The following RGS17 variants were observed in gnomAD, a reference collection of about 807,000 sequenced individuals.
The protein encoded by RGS17 is regulator of G protein signaling 17.
A neutral mutation model predicts 25.5 loss-of-function variants in RGS17; 12 were observed. The ratio of observed to expected loss-of-function variants is 0.47; its 90% CI spans 0.30 to 0.76. RGS17 has a LOEUF of 0.76. Ranked by LOEUF, RGS17 falls within the 30% of genes least tolerant of loss-of-function variation. RGS17 has a pLI of 0.07. For synonymous variants in RGS17, 71 were observed against 76.9 expected (o/e 0.92, Z 0.40); for missense variants, 196 against 242.2 (o/e 0.81, Z 1.27).
chr6:153,096,266 T>C (rs921162825), intron 1 of RGS17, among the ~76,000 whole-genome samples: 1 of 152,158 alleles, frequency 6.6e-6, no homozygotes, highest in African/African-American at 2.4e-5. Context: ...TGAGGAAAAG[T>C]GGAGTTCAAT....
chr6:153,069,737 C>CGTG (rs1168154054), intron 1 of RGS17, among the ~76,000 whole-genome samples: 1 of 75,584 alleles, frequency 1.3e-5, no homozygotes, highest in African/African-American at 4.6e-5. Flanking sequence ...ATATATACAC[C>CGTG]TCGTGTGTGT....
chr6:153,077,102 C>A (rs1229999968), intron 1 of RGS17, among the ~76,000 whole-genome samples: 1 of 152,188 alleles, frequency 6.6e-6, no homozygotes, highest in East Asian at 1.9e-4. Flanking sequence ...ACTCACTCAT[C>A]TACTAGTCTT....
chr6:153,081,505 C>T (rs1776980654), intron 1 of RGS17, among the ~76,000 whole-genome samples: 1 of 150,854 alleles, frequency 6.6e-6, no homozygotes, highest in Non-Finnish European at 1.5e-5. Context: ...ATGGTTGGGT[C>T]TTGATAATGT....
At chr6:153,113,389 AATAC>A (rs1777501388) in intron 1 of RGS17, among the ~76,000 whole-genome samples, 1 of 152,214 alleles carries the variant, frequency 6.6e-6, no homozygotes, top group Non-Finnish European at 1.5e-5. Context: ...AACTATCCTA[AATAC>A]ATATGCACCC....
chr6:153,058,582 T>TTAC (rs1776595646), intron 1 of RGS17, among the ~76,000 whole-genome samples: 1 of 151,304 alleles, frequency 6.6e-6, no homozygotes. Flanking sequence ...TAGTTGTTGA[T>TTAC]TCAGTGTGGG....
intron 2 of RGS17, among the ~76,000 whole-genome samples, chr6:153,043,106 G>T (rs1306389617): frequency 1.3e-5 from 2 of 152,176 alleles, no homozygotes; most frequent in Non-Finnish European, 2.9e-5. Context: ...ACTCGAGCAG[G>T]TTCTCTGAGC....
At chr6:153,101,364 G>C (rs1405915212) in intron 1 of RGS17, among the ~76,000 whole-genome samples, 2 of 152,132 alleles carry the variant, frequency 1.3e-5, no homozygotes, top group Non-Finnish European at 2.9e-5. Context: ...GGGCCAACTG[G>C]GCACTTGAGT....
intron 4 of RGS17, among the ~76,000 whole-genome samples, chr6:153,023,607 A>G (rs1042268601): frequency 2.0e-5 from 3 of 152,250 alleles, no homozygotes; most frequent in African/African-American, 7.2e-5. Flanking sequence ...TGGCAATGGG[A>G]AAGACACTTG....
At position 153,026,463 on chromosome 6, in the gene RGS17, A is replaced by C; in HGVS notation, c.200T>G (p.Leu67Arg). The C allele has an allele frequency of 6.2e-7, 1 of 1,611,478 alleles. No homozygotes were observed. Among genetic ancestry groups the C allele is most frequent in the Non-Finnish European group, 8.5e-7 (1 of 1,178,020 alleles). Residue 67 changes from leucine (L) to arginine (R), a missense_variant, in exon 3 of 5, where the codon CTA (leucine) becomes CGA (arginine). Leu to Arg is a moderately radical substitution (Grantham distance 102). Transcript: ENST00000206262. ...TGGTTCTCACACTCACCATTCCTCTAGGACCTGGATACTCTCCATTTTTGT... is the reference window on the plus strand; with the variant it reads ...TGGTTCTCACACTCACCATTCCTCTCGGACCTGGATACTCTCCATTTTTGT... ...HTTKMESIQVLEECQNPTAEE... is the reference protein window; with the variant it reads ...HTTKMESIQVREECQNPTAEE...
At chr6:153,094,827 T>C (rs181340898) in intron 1 of RGS17, among the ~76,000 whole-genome samples, 1 of 152,130 alleles carries the variant, frequency 6.6e-6, no homozygotes, top group Admixed American at 6.6e-5. Flanking sequence ...TTTCAAAGAG[T>C]ATAACCAGTT....
chr6:153,029,443 A>ATTG (rs755233910), intron 2 of RGS17, among the ~76,000 whole-genome samples: 1 of 152,094 alleles, frequency 6.6e-6, no homozygotes, highest in Non-Finnish European at 1.5e-5. Flanking sequence ...CAAGTAGTGC[A>ATTG]TTGTTGTTGT....
chr6:153,084,562 G>T (rs1777027490), intron 1 of RGS17, among the ~76,000 whole-genome samples: 1 of 152,146 alleles, frequency 6.6e-6, no homozygotes. Context: ...GGAAAGGAAT[G>T]ATAGAGAACA....
chr6:153,026,062 G>A (rs894261513), intron 3 of RGS17, among the ~76,000 whole-genome samples: 7 of 152,066 alleles, frequency 4.6e-5, no homozygotes, highest in East Asian at 1.9e-4. Context: ...ACCAGGAGTC[G>A]CTGGGTGCCC....
chr6:153,021,994 G>C (rs900001082), intron 4 of RGS17, among the ~76,000 whole-genome samples: 7 of 152,116 alleles, frequency 4.6e-5, no homozygotes, highest in Admixed American at 3.3e-4. Flanking sequence ...GGTCACTTGA[G>C]GTCAGGACTT....
At chr6:153,117,264 G>T (rs1777558997) in intron 1 of RGS17, among the ~76,000 whole-genome samples, 1 of 152,050 alleles carries the variant, frequency 6.6e-6, no homozygotes, top group Non-Finnish European at 1.5e-5. Flanking sequence ...AGTGAAAGGG[G>T]AAGAGCCTCT....
intron 1 of RGS17, among the ~76,000 whole-genome samples, chr6:153,084,913 C>T (rs1174593186): frequency 6.6e-6 from 1 of 151,994 alleles, no homozygotes; most frequent in Non-Finnish European, 1.5e-5. Flanking sequence ...AAAAATTGTA[C>T]GGATATTATT....
chr6:153,112,464 G>A (rs1006443406), intron 1 of RGS17, among the ~76,000 whole-genome samples: 4 of 152,292 alleles, frequency 2.6e-5, no homozygotes, highest in Middle Eastern at 3.4e-3. Context: ...ACCTGAAAGT[G>A]ACAGGGAGAA....
rs1195077739 is a variant in RGS17 at position 153,131,221 on chromosome 6, C to T, written c.-123G>A. On this transcript the variant is annotated 5_prime_UTR_variant, in exon 1 of 5. Coordinates refer to ENST00000206262, the MANE Select transcript of RGS17 (RefSeq NM_012419.5). ...CGGAGCCGGTTTGCTGCCATCCGCCCAACTTCAGCACCCAGCGGGCGAGGA... is the reference window on the plus strand; with the variant it reads ...CGGAGCCGGTTTGCTGCCATCCGCCTAACTTCAGCACCCAGCGGGCGAGGA... 6.8e-6 allele frequency: 1 copy of T among 148,060 alleles called. No homozygotes were observed. Among genetic ancestry groups the T allele is most frequent in the African/African-American group, 2.5e-5 (1 of 40,758 alleles). The allele number at this position is 148,060 out of a possible 1,614,324, so 9.2% of individuals were successfully genotyped here.
intron 1 of RGS17, among the ~76,000 whole-genome samples, chr6:153,090,717 T>C (rs531063818): frequency 6.6e-6 from 1 of 152,302 alleles, no homozygotes; most frequent in East Asian, 1.9e-4. Flanking sequence ...TCTCACGCTG[T>C]CTCCAGCCCA....
Sources: allele counts gnomAD v4.1 joint callset (sites outside exome capture counted in the v4.1 genomes callset), GRCh38; gene constraint gnomAD v4.1.1; transcripts MANE v1.5; gene names NCBI Gene and HGNC (gene_info 2026-07-23, HGNC 2026-07-21).